Variants in ASIC5 observed in about 807,000 individuals in gnomAD.
The protein encoded by ASIC5 is bile acid-sensitive ion channel.
ASIC5 carries 52 observed loss-of-function variants against 51.2 expected under a neutral mutation model. That is an observed-to-expected ratio of 1.02 (90% confidence interval 0.81 to 1.28). The LOEUF (loss-of-function observed/expected upper bound fraction) is 1.28, where lower values mean the gene tolerates loss of function less well. Among genes scored for constraint, ASIC5 ranks in the 50% most tolerant of loss-of-function variants. The probability of loss-of-function intolerance (pLI) is 0.00; values close to 1 mark genes in which losing one functional copy is unlikely to be tolerated. For missense variants in ASIC5, 635 were observed against 595.0 expected (o/e 1.07, Z -0.70); for synonymous variants, 231 against 200.7 (o/e 1.15, Z -1.28).
chr4:155,837,824 T>G (rs968598073), intron 7 of ASIC5, among the ~76,000 whole-genome samples: 1 of 151,794 alleles, frequency 6.6e-6, no homozygotes, highest in East Asian at 1.9e-4. Context: ...TATACTCTCA[T>G]GTACATAATA....
chr4:155,838,667 T>G (rs1741047684), intron 7 of ASIC5, 146 bp downstream of exon 7: 2 of 484,146 alleles, frequency 4.1e-6, no homozygotes, highest in Non-Finnish European at 7.4e-6. Flanking sequence ...TGTTAGCTAC[T>G]ATTTAAGAAC....
At chr4:155,849,455 A>G (rs1003381161) in intron 4 of ASIC5, among the ~76,000 whole-genome samples, 3 of 152,088 alleles carry the variant, frequency 2.0e-5, no homozygotes, top group Non-Finnish European at 1.5e-5. Context: ...ACTGTATACA[A>G]ATAATTTGGC....
In ASIC5 at chr4:155,854,172, A is replaced by C. The variant is rs745680828; in HGVS notation, c.490T>G (p.Phe164Val). 6.8e-6 allele frequency: 11 copies of C among 1,613,476 alleles called. No individual in the cohort carries two copies. Among genetic ancestry groups the C allele is most frequent in the Non-Finnish European group, 3.4e-6 (4 of 1,179,654 alleles). Residue 164 changes from phenylalanine to valine, a missense_variant, in exon 3 of 10, where the codon TTC becomes GTC. Transcript: ENST00000537611. The part of the protein sequence containing the change: ...ATDFAASHQN[F>V]SIVEFIRNKG... Reference sequence around the variant, plus strand: ...TTCCTGATAAATTCCACAATGCTGAAGTTTTGGTGACTTGCAGCAAAATCA... The same window carrying C: ...TTCCTGATAAATTCCACAATGCTGACGTTTTGGTGACTTGCAGCAAAATCA...
chr4:155,846,234 CT>C (rs1238860715), intron 4 of ASIC5, among the ~76,000 whole-genome samples: 2 of 151,956 alleles, frequency 1.3e-5, no homozygotes, highest in African/African-American at 4.8e-5. Context: ...TGCCAGCATA[CT>C]TTTTTTGTTT....
At chr4:155,856,552 T>C (rs549969957) in intron 2 of ASIC5, among the ~76,000 whole-genome samples, 2 of 152,270 alleles carry the variant, frequency 1.3e-5, no homozygotes, top group African/African-American at 4.8e-5. Context: ...GACTTCCTGA[T>C]TCCAAGGCAC....
intron 1 of ASIC5, chr4:155,865,179 A>T (rs1741830381): frequency 6.6e-6 from 1 of 152,000 alleles, no homozygotes; most frequent in Non-Finnish European, 1.5e-5. Context: ...TATGATTATT[A>T]TTCACTAAGC....
chr4:155,830,686 T>A (rs1196673943), intron 9 of ASIC5, among the ~76,000 whole-genome samples: 1 of 152,122 alleles, frequency 6.6e-6, no homozygotes, highest in East Asian at 1.9e-4. Flanking sequence ...TCCATAATCT[T>A]TATCTATTTG....
intron 2 of ASIC5, among the ~76,000 whole-genome samples, chr4:155,858,615 A>T (rs1000157950): frequency 1.3e-5 from 2 of 152,082 alleles, no homozygotes; most frequent in Non-Finnish European, 2.9e-5. Flanking sequence ...TCTGTGATCC[A>T]TGCTTTTTCC....
chr4:155,855,963 A>G lies in ASIC5; in HGVS notation c.348-1649T>C, dbSNP rs1579296631. On this transcript the variant is annotated intron_variant, in intron 2 of 9. Transcript: ENST00000537611. ...AGATTGAGATTCTGACACCTTTAAAAGTCTAAAAATAAACATTTGCCATCT... is the reference window on the plus strand; with the variant it reads ...AGATTGAGATTCTGACACCTTTAAAGGTCTAAAAATAAACATTTGCCATCT... 3.9e-5 allele frequency among the ~76,000 whole-genome samples: 6 copies of G among 152,132 alleles called. No individual in the cohort carries two copies. In the South Asian group the frequency reaches 1.0e-3, roughly 26 times the overall value.
intron 4 of ASIC5, among the ~76,000 whole-genome samples, chr4:155,845,780 A>C (rs1338274524): frequency 2.0e-5 from 3 of 152,064 alleles, no homozygotes; most frequent in Admixed American, 2.0e-4. Flanking sequence ...GCACCAACAG[A>C]CTTTTTCTCT....
chr4:155,854,087 C>T lies in ASIC5; in HGVS notation c.575G>A (p.Cys192Tyr). 6.2e-7 allele frequency: 1 copy of T among 1,610,430 alleles called. No individual in the cohort carries two copies. The highest frequency in any genetic ancestry group is 8.5e-7 in the Non-Finnish European group (1 of 1,177,402). ...LLDCEFFGKPCSPKDFAHVFT... is the reference protein window; with the variant it reads ...LLDCEFFGKPYSPKDFAHVFT... Reference sequence around the variant, plus strand: ...ATAGAAAATCGTTACCTTTGGGCTACATGGCTTTCCAAAAAACTCACAGTC... The same window carrying T: ...ATAGAAAATCGTTACCTTTGGGCTATATGGCTTTCCAAAAAACTCACAGTC... Residue 192 changes from cysteine (C) to tyrosine (Y), a missense_variant, in exon 3 of 10, where the codon TGT becomes TAT. Cys to Tyr is a radical substitution (Grantham distance 194, BLOSUM62 -2). Transcript: ENST00000537611.
chr4:155,846,851 C>T (rs973821903), intron 4 of ASIC5, among the ~76,000 whole-genome samples: 2 of 151,326 alleles, frequency 1.3e-5, no homozygotes, highest in Non-Finnish European at 3.0e-5. Context: ...GAAAAACATT[C>T]TTGCTAAAAA....
intron 4 of ASIC5, among the ~76,000 whole-genome samples, chr4:155,844,216 C>T (rs1478412515): frequency 1.3e-5 from 2 of 151,944 alleles, no homozygotes; most frequent in African/African-American, 2.4e-5. Context: ...ACCAATAGGA[C>T]GATTGCTGAA....
At chr4:155,856,495 C>T (rs1741543778) in intron 2 of ASIC5, among the ~76,000 whole-genome samples, 1 of 152,120 alleles carries the variant, frequency 6.6e-6, no homozygotes, top group Non-Finnish European at 1.5e-5. Context: ...AGCTCTGATA[C>T]TTGCAAAGCT....
chr4:155,832,835 C>T (rs1740898360), intron 8 of ASIC5, among the ~76,000 whole-genome samples: 1 of 152,152 alleles, frequency 6.6e-6, no homozygotes, highest in African/African-American at 2.4e-5. Flanking sequence ...CATGACCTCT[C>T]ACCTGGATTT....
At chr4:155,835,982 G>A (rs1740970197) in intron 8 of ASIC5, among the ~76,000 whole-genome samples, 1 of 152,096 alleles carries the variant, frequency 6.6e-6, no homozygotes, top group South Asian at 2.1e-4. Context: ...CCAATATACT[G>A]TATATATTGC....
chr4:155,845,600 T>C (rs1175258373), intron 4 of ASIC5, among the ~76,000 whole-genome samples: 1 of 152,036 alleles, frequency 6.6e-6, no homozygotes, highest in African/African-American at 2.4e-5. Context: ...ATTCTACCGT[T>C]TTTTGGAGAC....
At chr4:155,839,755 G>GA (rs1165943790) in intron 6 of ASIC5, among the ~76,000 whole-genome samples, 1 of 150,772 alleles carries the variant, frequency 6.6e-6, no homozygotes, top group Non-Finnish European at 1.5e-5. Context: ...ACTGAGTTAG[G>GA]AAAAAACCTC....
At chr4:155,839,192 A>G (rs149294128) in intron 6 of ASIC5, among the ~76,000 whole-genome samples, 309 of 152,260 alleles carry the variant, frequency 2.0e-3, no homozygotes, top group African/African-American at 7.0e-3. Context: ...CACAGTTATC[A>G]TCTCATTTGA....
Sources: gnomAD v4.1 joint callset for allele counts (sites outside exome capture counted in the v4.1 genomes callset) on GRCh38, gnomAD v4.1.1 for gene constraint, MANE v1.5 for transcripts, NCBI Gene and HGNC (gene_info 2026-07-23, HGNC 2026-07-21) for gene names.